DEFB112: variants seen among roughly 807,000 people sequenced by gnomAD.
DEFB112 encodes defensin beta 112.
Under a neutral mutation model 1.1 loss-of-function variants are expected in DEFB112, and 2 were observed. That is an observed-to-expected ratio of 1.85 (90% CI 0.76 to 5.83). The LOEUF is 5.83. Ranked by LOEUF, DEFB112 falls within the 30% of genes most tolerant of loss-of-function variation. The pLI is 0.05. For missense variants in DEFB112, 120 were observed against 94.4 expected (o/e 1.27, Z -1.12); for synonymous variants, 40 against 31.2 (o/e 1.28, Z -0.93).
chr6:50,044,186 G>T (rs930927659), intron 1 of DEFB112, among the ~76,000 whole-genome samples: 3 of 151,906 alleles, frequency 2.0e-5, no homozygotes, highest in African/African-American at 7.2e-5. Context: ...TCCTTTTTAA[G>T]ATTCCATTGT....
intron 1 of DEFB112, among the ~76,000 whole-genome samples, chr6:50,046,109 G>T (rs1582382280): frequency 2.0e-5 from 3 of 152,150 alleles, no homozygotes; most frequent in South Asian, 4.2e-4. Context: ...GCCAGGGTAA[G>T]CTAAGCTATG....
chr6:50,044,885 G>C (rs368786449), intron 1 of DEFB112, among the ~76,000 whole-genome samples: 1 of 151,650 alleles, frequency 6.6e-6, no homozygotes, highest in Non-Finnish European at 1.5e-5. Flanking sequence ...AACCATTTTC[G>C]TGTCCATCTT....
chr6:50,042,802 G>T lies in DEFB112; in HGVS notation c.*773C>A, dbSNP rs1320289336. On this transcript the variant is annotated 3_prime_UTR_variant, in exon 2 of 2. Coordinates refer to ENST00000651554, the MANE Select transcript of DEFB112 (RefSeq NM_001369057.2). ...TAATAGAAATTATATGTGTGAGCAT[G>T]CATACACACATATATAATTCTGTTA... is the stretch of plus-strand genomic sequence containing the variant. 6.6e-6 allele frequency among the ~76,000 whole-genome samples: 1 copy of T among 151,892 alleles called. No individual in the cohort carries two copies. The highest frequency in any genetic ancestry group is 1.9e-4 in the East Asian group (1 of 5,180).
chr6:50,044,975 C>G (rs1004357762), intron 1 of DEFB112, among the ~76,000 whole-genome samples: 2 of 151,980 alleles, frequency 1.3e-5, no homozygotes, highest in Admixed American at 6.6e-5. Context: ...TTTAAAATAA[C>G]TGAGGATTTT....
intron 1 of DEFB112, among the ~76,000 whole-genome samples, chr6:50,049,353 A>G (rs1774890303): frequency 6.6e-6 from 1 of 152,230 alleles, no homozygotes; most frequent in Non-Finnish European, 1.5e-5. Context: ...TCAATTGTTA[A>G]TAAAATACAA....
intron 1 of DEFB112, among the ~76,000 whole-genome samples, chr6:50,045,895 T>C (rs980195811): frequency 4.6e-5 from 7 of 152,150 alleles, no homozygotes; most frequent in African/African-American, 1.7e-4. Context: ...TTTGACTCAA[T>C]TTTTCATCCT....
In DEFB112 at chr6:50,043,801, G is replaced by T. The variant is rs185807678; in HGVS notation, c.59C>A (p.Ala20Asp). 3 of 1,612,636 alleles carry T rather than the reference G, an allele frequency of 1.9e-6. No individual in the cohort carries two copies. In the African/African-American group the frequency reaches 4.0e-5, roughly 22 times the overall value. ...LLFFGVLIPP[A>D]RSEGHHITFS... ...GGTGATATGGTGCCCTTCACTTCTG[G>T]CTGAAAGAAGGCAAGAACAGCTGGA... is the stretch of plus-strand genomic sequence containing the variant. Residue 20 changes from alanine (A) to aspartate (D), a missense_variant and splice_region_variant, in exon 2 of 2, where the codon GCC becomes GAC. Transcript: ENST00000651554.
At chr6:50,048,489 A>G (rs756194957) in intron 1 of DEFB112, 6 of 1,475,566 alleles carry the variant, frequency 4.1e-6, no homozygotes, top group African/African-American at 1.4e-5. Context: ...TCAGTCAAAA[A>G]GTATTGATTA....
chr6:50,044,490 A>T (rs1297332924), intron 1 of DEFB112, among the ~76,000 whole-genome samples: 2 of 152,122 alleles, frequency 1.3e-5, no homozygotes, highest in East Asian at 3.9e-4. Flanking sequence ...CTCTAATCTC[A>T]CTTTACAGCA....
At chr6:50,046,797 A>T (rs978382176) in intron 1 of DEFB112, among the ~76,000 whole-genome samples, 11 of 152,196 alleles carry the variant, frequency 7.2e-5, no homozygotes, top group Non-Finnish European at 1.3e-4. Flanking sequence ...AAATTTTGCC[A>T]TTGAAGTGAT....
At chr6:50,049,647 G>GA (rs1401626511) in intron 1 of DEFB112, among the ~76,000 whole-genome samples, 165 bp downstream of exon 1, 2 of 151,920 alleles carry the variant, frequency 1.3e-5, no homozygotes, top group African/African-American at 4.8e-5. Context: ...TGCTGTGCTT[G>GA]AAAAATTATT....
intron 1 of DEFB112, among the ~76,000 whole-genome samples, chr6:50,049,311 T>C (rs567868353): frequency 2.6e-5 from 4 of 152,046 alleles, no homozygotes; most frequent in Non-Finnish European, 5.9e-5. Context: ...AGAATTTAAC[T>C]GGAAGTGAGC....
intron 1 of DEFB112, among the ~76,000 whole-genome samples, chr6:50,046,550 A>C (rs1441031800): frequency 6.6e-6 from 1 of 152,096 alleles, no homozygotes; most frequent in Non-Finnish European, 1.5e-5. Flanking sequence ...ATCGTGGTTT[A>C]AATTAGCATT....
rs1162232703 is a variant in DEFB112, at chr6:50,042,282, T to C, written c.*1293A>G. 1.3e-5 allele frequency among the ~76,000 whole-genome samples: 2 copies of C among 152,034 alleles called. No homozygotes were observed. Among genetic ancestry groups the C allele is most frequent in the East Asian group, 3.9e-4 (2 of 5,188 alleles). On this transcript the variant is annotated 3_prime_UTR_variant, in exon 2 of 2. Transcript: ENST00000651554. ...ACACTGGTCAGAGAGCATAGTATTA[T>C]ACATATCAGGAATATCATATATAAT...
At chr6:50,048,154 A>T (rs1461590560) in intron 1 of DEFB112, among the ~76,000 whole-genome samples, 2 of 152,052 alleles carry the variant, frequency 1.3e-5, no homozygotes, top group Non-Finnish European at 2.9e-5. Flanking sequence ...TCTCAAAAAA[A>T]AAAAAATAAA....
chr6:50,043,702 A>G lies in DEFB112; in HGVS notation c.158T>C (p.Ile53Thr), dbSNP rs746854885. The change falls in exon 2 of 2, where the codon ATT (isoleucine) becomes ACT (threonine). Residue 53 changes from isoleucine to threonine, a missense_variant. Physicochemically the swap from Ile to Thr is moderately conservative, Grantham distance 89 (BLOSUM62 -1). Transcript: ENST00000651554. Reference protein sequence around the residue: ...KNQCDDSEFRISYCARPTTHC... With the variant: ...KNQCDDSEFRTSYCARPTTHC... ...AGTTGTAGGTCTTGCACAGTATGAA[A>G]TCCTAAATTCACTATCATCACATTG... 5.0e-6 allele frequency: 8 copies of G among 1,613,554 alleles called. No homozygotes were observed. In the Admixed American group the frequency reaches 6.7e-5, roughly 13 times the overall value.
chr6:50,043,770 A>T lies in DEFB112; in HGVS notation c.90T>A (p.Ser30Arg), dbSNP rs1012164398. 6.2e-7 allele frequency: 1 copy of T among 1,613,408 alleles called. No homozygotes were observed. Among genetic ancestry groups the T allele is most frequent in the South Asian group, 1.1e-5 (1 of 91,048 alleles). ...CAATCGCTGTACATGACTTCCACCT[A>T]CTAAAGGTGATATGGTGCCCTTCAC... Reference protein sequence around the residue: ...ARSEGHHITFSRWKSCTAIGG... With the variant: ...ARSEGHHITFRRWKSCTAIGG... The change falls in exon 2 of 2, where the codon AGT becomes AGA. Residue 30 changes from serine to arginine, a missense_variant. By Grantham distance (110) the Ser-to-Arg change is moderately radical. Coordinates refer to ENST00000651554, the MANE Select transcript of DEFB112 (RefSeq NM_001369057.2).
At position 50,042,142 on chromosome 6, in the gene DEFB112, A is replaced by G. The variant is rs901882466; in HGVS notation, c.*1433T>C. 6.6e-6 allele frequency among the ~76,000 whole-genome samples: 1 copy of G among 152,040 alleles called. No homozygotes were observed. The highest frequency in any genetic ancestry group is 2.4e-5 in the African/African-American group (1 of 41,436). On this transcript the variant is annotated 3_prime_UTR_variant, in exon 2 of 2. Transcript: ENST00000651554. ...ATTCATAATTTTCATCTATCCTACC[A>G]CAGATACATTAAATTATAGTATAGG...
chr6:50,048,764 T>C, intron 1 of DEFB112: 1 of 660,854 alleles, frequency 1.5e-6, no homozygotes, highest in South Asian at 2.0e-5. Context: ...CTCTATTTAA[T>C]GGTCCTATAT....
Sources: allele counts gnomAD v4.1 joint callset (sites outside exome capture counted in the v4.1 genomes callset), GRCh38; gene constraint gnomAD v4.1.1; transcripts MANE v1.5; gene names NCBI Gene and HGNC (gene_info 2026-07-23, HGNC 2026-07-21).